TNS3: variants seen among roughly 807,000 people sequenced by gnomAD.
TNS3 encodes the protein tensin-3.
TNS3 carries 45 observed loss-of-function variants against 140.9 expected under a neutral mutation model. The observed-to-expected ratio is 0.32, with a 90% CI of 0.25 to 0.41. The LOEUF is 0.41. Among genes scored for constraint, TNS3 ranks in the 10% least tolerant of loss-of-function variants. The pLI is 1.00. For missense variants in TNS3, 1,716 were observed against 1,906.7 expected (o/e 0.90, Z 1.86); for synonymous variants, 815 against 788.4 (o/e 1.03, Z -0.56).
chr7:47,532,446 G>A (rs1799443441), intron 1 of TNS3, among the ~76,000 whole-genome samples: 1 of 152,160 alleles, frequency 6.6e-6, no homozygotes, highest in African/African-American at 2.4e-5. Flanking sequence ...CAAGAGACCA[G>A]CTGCACAGAG....
rs1234760330 is a variant in TNS3, at chr7:47,405,484, G to T, written c.724-4570C>A. 7 of 702,888 alleles carry T rather than the reference G, an allele frequency of 1.0e-5. No individual in the cohort carries two copies. In the South Asian group the frequency reaches 1.0e-4, roughly 10 times the overall value. 43.5% of individuals were successfully genotyped at this position (702,888 alleles called of 1,614,324 possible). A position where few individuals can be genotyped will look rare whatever the true frequency, so the allele number is the denominator to read the frequency against. Reference sequence around the variant, plus strand: ...ATAGGTCAAAGACTTAAGTCAGGCAGGGCCAACACTAACCATGATTTCTTC... The same window carrying T: ...ATAGGTCAAAGACTTAAGTCAGGCATGGCCAACACTAACCATGATTTCTTC... On this transcript the variant is annotated intron_variant, in intron 13 of 30. Coordinates refer to ENST00000311160, the MANE Select transcript of TNS3 (RefSeq NM_022748.12).
intron 4 of TNS3, among the ~76,000 whole-genome samples, chr7:47,457,491 T>A (rs1796309268): frequency 6.6e-6 from 1 of 151,970 alleles, no homozygotes; most frequent in South Asian, 2.1e-4. Flanking sequence ...CCAAATAGCT[T>A]CAACAGCCTC....
intron 6 of TNS3, among the ~76,000 whole-genome samples, chr7:47,438,709 C>T (rs925844002): frequency 6.6e-6 from 1 of 152,136 alleles, no homozygotes; most frequent in African/African-American, 2.4e-5. Context: ...CACTTGGGTC[C>T]ACCTCTCCCA....
Position 47,333,050 on chromosome 7 carries a change from G to A in TNS3, c.2650+11705C>T, listed in dbSNP as rs151245168. On this transcript the variant is annotated intron_variant, in intron 20 of 30. Coordinates refer to ENST00000311160, the MANE Select transcript of TNS3 (RefSeq NM_022748.12). ...AGAGAAGTCTGCAGGCTGACATGGG[G>A]ACACTTCCAAGCTGGCCTGCTCCGC... Among the ~76,000 whole-genome samples the A allele has an allele frequency of 1.3e-3, 192 of 152,170 alleles. 1 individual carries two copies. The highest frequency in any genetic ancestry group is 4.3e-3 in the African/African-American group (180 of 41,518).
At chr7:47,477,520 G>C (rs1368451634) in intron 4 of TNS3, among the ~76,000 whole-genome samples, 2 of 152,146 alleles carry the variant, frequency 1.3e-5, no homozygotes, top group South Asian at 2.1e-4. Context: ...CTTAGTGTCT[G>C]GGTGATGTGG....
intron 20 of TNS3, among the ~76,000 whole-genome samples, chr7:47,332,395 T>G (rs969565721): frequency 1.3e-5 from 2 of 152,244 alleles, no homozygotes; most frequent in African/African-American, 4.8e-5. Flanking sequence ...TTCCCAGTTC[T>G]AAGAGGCATC....
Position 47,297,135 on chromosome 7 carries a change from A to G in TNS3, c.3623T>C (p.Leu1208Pro). 6.2e-7 allele frequency: 1 copy of G among 1,614,080 alleles called. No individual in the cohort carries two copies. Among genetic ancestry groups the G allele is most frequent in the Non-Finnish European group, 8.5e-7 (1 of 1,180,018 alleles). ...DSHSFRGAYG[L>P]AMKVATPPPS... ...TGGGGGCGTGGCCACCTTCATGGCC[A>G]GGCCATAGGCCCCTCGGAAGGAATG... The change falls in exon 24 of 31, where the codon CTG becomes CCG. Residue 1208 changes from leucine to proline, a missense_variant. Leu to Pro is a moderately conservative substitution (Grantham distance 98). Transcript: ENST00000311160.
chr7:47,329,537 T>TC (rs931345262), intron 20 of TNS3, among the ~76,000 whole-genome samples: 19 of 151,978 alleles, frequency 1.3e-4, no homozygotes, highest in Non-Finnish European at 5.9e-5. Context: ...GGGCCACCGC[T>TC]CCGCACATGG....
intron 20 of TNS3, among the ~76,000 whole-genome samples, chr7:47,343,644 T>C (rs1442328371): frequency 1.3e-5 from 2 of 152,172 alleles, no homozygotes; most frequent in African/African-American, 4.8e-5. Flanking sequence ...ATAAAAAATA[T>C]AGAACAGATG....
chr7:47,580,415 C>T (rs1784498400), intron 1 of TNS3, among the ~76,000 whole-genome samples: 1 of 152,190 alleles, frequency 6.6e-6, no homozygotes, highest in South Asian at 2.1e-4. Flanking sequence ...AATCGGTATG[C>T]CTGTTACTTT....
At chr7:47,487,884 A>G (rs144893948) in intron 3 of TNS3, among the ~76,000 whole-genome samples, 6 of 152,320 alleles carry the variant, frequency 3.9e-5, no homozygotes, top group African/African-American at 1.4e-4. Flanking sequence ...AGATGGCAGT[A>G]CTTTCTTTCC....
intron 16 of TNS3, among the ~76,000 whole-genome samples, chr7:47,394,783 G>A (rs367620842): frequency 9.1e-4 from 139 of 152,320 alleles, no homozygotes; most frequent in African/African-American, 3.2e-3. Flanking sequence ...TAAAATCAAC[G>A]TAGGTCCTTC....
At chr7:47,467,201 C>A (rs1796755590) in intron 4 of TNS3, among the ~76,000 whole-genome samples, 1 of 152,220 alleles carries the variant, frequency 6.6e-6, no homozygotes, top group African/African-American at 2.4e-5. Flanking sequence ...TCTGGAAAGA[C>A]AGGCCATGGG....
chr7:47,487,514 C>A (rs559951915), intron 3 of TNS3, among the ~76,000 whole-genome samples: 15 of 152,198 alleles, frequency 9.9e-5, no homozygotes, highest in African/African-American at 3.6e-4. Context: ...AGGGGAGAAT[C>A]AGCTCAACAA....
intron 4 of TNS3, among the ~76,000 whole-genome samples, chr7:47,447,246 A>ATTTGTTTG (rs1491236781): frequency 1.7e-5 from 2 of 120,810 alleles, no homozygotes; most frequent in African/African-American, 6.3e-5. Flanking sequence ...CTGGTTCCAC[A>ATTTGTTTG]TATGTTTGTT....
intron 1 of TNS3, among the ~76,000 whole-genome samples, chr7:47,529,922 A>G (rs1349171708): frequency 6.6e-6 from 1 of 152,268 alleles, no homozygotes; most frequent in Admixed American, 6.5e-5. Context: ...ACCCACTGGA[A>G]TAATTAAATT....
At chr7:47,511,719 C>T (rs1226688763) in intron 2 of TNS3, among the ~76,000 whole-genome samples, 1 of 152,100 alleles carries the variant, frequency 6.6e-6, no homozygotes, top group Non-Finnish European at 1.5e-5. Flanking sequence ...CTGGCGAAGG[C>T]CTTCCCACTC....
intron 4 of TNS3, among the ~76,000 whole-genome samples, chr7:47,464,506 A>T (rs1047038680): frequency 6.6e-6 from 1 of 152,110 alleles, no homozygotes; most frequent in African/African-American, 2.4e-5. Context: ...GCCCCACCCC[A>T]GCAAGTCATC....
intron 24 of TNS3, among the ~76,000 whole-genome samples, chr7:47,296,515 T>C (rs1042845107): frequency 6.6e-6 from 1 of 152,162 alleles, no homozygotes; most frequent in African/African-American, 2.4e-5. Context: ...GTCATTATGG[T>C]TTTTGCCATG....
Sources: allele counts gnomAD v4.1 joint callset (sites outside exome capture counted in the v4.1 genomes callset), GRCh38; gene constraint gnomAD v4.1.1; transcripts MANE v1.5; gene names NCBI Gene and HGNC (gene_info 2026-07-23, HGNC 2026-07-21).